Variants in PALD1 observed in about 807,000 individuals in gnomAD.
The protein encoded by PALD1 is phosphatase domain containing paladin 1.
PALD1 carries 57 observed loss-of-function variants against 96.0 expected under a neutral mutation model. The ratio of observed to expected loss-of-function variants is 0.59; its 90% CI spans 0.48 to 0.74. The LOEUF (loss-of-function observed/expected upper bound fraction) is 0.74, where lower values mean the gene tolerates loss of function less well. Ranked by LOEUF, PALD1 falls within the 30% of genes least tolerant of loss-of-function variation. The pLI is 0.00. For synonymous variants in PALD1, 464 were observed against 473.6 expected, an observed-to-expected ratio of 0.98 and a Z score of 0.26; for missense variants, 1,063 against 1,143.7, an observed-to-expected ratio of 0.93 and a Z score of 1.02.
upstream of PALD1, among the ~76,000 whole-genome samples, chr10:70,478,221 G>T (rs113433276): frequency 0.015 from 2,326 of 152,324 alleles, 62 homozygotes; most frequent in African/African-American, 0.052. Flanking sequence ...TGGGGGGACC[G>T]TCTGCTGTTT....
chr10:70,552,711 C>T (rs181849250), intron 18 of PALD1, among the ~76,000 whole-genome samples: 2 of 152,276 alleles, frequency 1.3e-5, no homozygotes, highest in African/African-American at 2.4e-5. Flanking sequence ...GCAGTCACAC[C>T]GCCATGATTG....
At chr10:70,495,385 G>A (rs1045786742) in intron 1 of PALD1, among the ~76,000 whole-genome samples, 3 of 148,358 alleles carry the variant, frequency 2.0e-5, no homozygotes, top group Non-Finnish European at 3.0e-5. Context: ...ATGAGGGTCC[G>A]GGTCTGTGCC....
intron 17 of PALD1, among the ~76,000 whole-genome samples, chr10:70,542,828 T>G (rs1847279063): frequency 1.3e-5 from 2 of 152,252 alleles, no homozygotes; most frequent in African/African-American, 4.8e-5. Context: ...TTCTGTTTAC[T>G]TTTTTGAGGA....
chr10:70,471,421 G>T, the PALD1 span, among the ~76,000 whole-genome samples: 64 of 152,346 alleles, frequency 4.2e-4, no homozygotes, highest in Middle Eastern at 3.4e-3. Flanking sequence ...TACTGAGGCT[G>T]CCTCCAGCAC....
chr10:70,534,048 C>A lies in PALD1; in HGVS notation c.997C>A (p.Arg333Ser). 1 of 1,608,456 alleles carries A rather than the reference C, an allele frequency of 6.2e-7. No individual in the cohort carries two copies. Among genetic ancestry groups the A allele is most frequent in the Non-Finnish European group, 8.5e-7 (1 of 1,176,906 alleles). The change falls in exon 8 of 20, where the codon CGC (arginine) becomes AGC (serine). Residue 333 changes from arginine to serine, a missense_variant. Arg to Ser is a moderately radical substitution (Grantham distance 110). Transcript: ENST00000263563. ...MVLGTLILLH[R>S]SGTTSQPEAA... ...CCTGGGCACCCTCATCCTGCTTCAC[C>A]GCAGTGGGACCACCTCCCAGCCAGA...
chr10:70,523,968 G>T (rs1228827402), intron 1 of PALD1, among the ~76,000 whole-genome samples: 1 of 152,174 alleles, frequency 6.6e-6, no homozygotes, highest in Admixed American at 6.5e-5. Context: ...ACCTGGGGAA[G>T]AAAGGACAGT....
At chr10:70,499,337 A>G (rs926652228) in intron 1 of PALD1, among the ~76,000 whole-genome samples, 23 of 152,012 alleles carry the variant, frequency 1.5e-4, no homozygotes, top group South Asian at 2.1e-4. Flanking sequence ...GTGCCATGGT[A>G]TGGGCCCCTC....
intron 1 of PALD1, among the ~76,000 whole-genome samples, chr10:70,514,453 C>T (rs58857914): frequency 0.035 from 5,167 of 149,710 alleles, 294 homozygotes; most frequent in African/African-American, 0.12. Context: ...GATCCCAGCC[C>T]CCAGACAGCT....
At chr10:70,557,793 C>T (rs560184515) in intron 18 of PALD1, among the ~76,000 whole-genome samples, 12 of 152,132 alleles carry the variant, frequency 7.9e-5, no homozygotes, top group African/African-American at 2.9e-4. Flanking sequence ...GGTCACCAGG[C>T]CAGGTTTCTT....
In PALD1 at chr10:70,564,550, G is replaced by T. The variant is rs768138697; in HGVS notation, c.2418+31G>T. On this transcript the variant is annotated intron_variant, in intron 19 of 19. Coordinates refer to ENST00000263563, the MANE Select transcript of PALD1 (RefSeq NM_014431.3). The stretch of plus-strand genomic sequence containing the variant: ...GGGAGGCTGAGGCCGAGAGGGGCCG[G>T]GGCGATGGCTCCTGCAGATGGAGCT... 3.4e-5 allele frequency: 54 copies of T among 1,603,898 alleles called. No homozygotes were observed. In the East Asian group the frequency reaches 1.2e-3, roughly 36 times the overall value.
At position 70,529,796 on chromosome 10, in the gene PALD1, C is replaced by G. The variant is rs899364452; in HGVS notation, c.289-93C>G. ...ATGTTCTTTTTGCCCCTATTTCCCC[C>G]CTCCCTGTCCCCTGGAGCCCAGGAC... On this transcript the variant is annotated intron_variant, in intron 3 of 19. Coordinates refer to ENST00000263563, the MANE Select transcript of PALD1 (RefSeq NM_014431.3). The G allele has an allele frequency of 1.9e-5, 22 of 1,133,490 alleles. No individual in the cohort carries two copies. The Admixed American group carries it at 2.5e-4, about 13-fold the overall frequency. The allele number at this position is 1,133,490 out of a possible 1,614,324, so 70.2% of individuals were successfully genotyped here.
chr10:70,552,230 C>T (rs1438874599), intron 18 of PALD1, among the ~76,000 whole-genome samples: 1 of 152,184 alleles, frequency 6.6e-6, no homozygotes, highest in Admixed American at 6.5e-5. Context: ...GCTGAGGAGC[C>T]CTTACATCAT....
chr10:70,513,624 A>G (rs4746047), intron 1 of PALD1, among the ~76,000 whole-genome samples: 104,431 of 152,110 alleles, frequency 0.69, 36,065 homozygotes, highest in Middle Eastern at 0.79. Flanking sequence ...ATCAAGAGGC[A>G]TTACCCCCAA....
chr10:70,536,547 A>G (rs1204519549), intron 10 of PALD1, among the ~76,000 whole-genome samples: 1 of 152,214 alleles, frequency 6.6e-6, no homozygotes, highest in Non-Finnish European at 1.5e-5. Context: ...TCAGCAAACT[A>G]CGGCTTAGAC....
chr10:70,550,452 C>T (rs1847458772), intron 18 of PALD1, among the ~76,000 whole-genome samples: 1 of 152,140 alleles, frequency 6.6e-6, no homozygotes, highest in Non-Finnish European at 1.5e-5. Context: ...TGGCGGGGAC[C>T]ACACTAGGGG....
At chr10:70,519,573 C>CTTTTT (rs1192092171) in intron 1 of PALD1, among the ~76,000 whole-genome samples, 9 of 133,666 alleles carry the variant, frequency 6.7e-5, no homozygotes, top group African/African-American at 1.5e-4. Flanking sequence ...TTCTTTCTTT[C>CTTTTT]TTTTTTTTTT....
the PALD1 span, among the ~76,000 whole-genome samples, chr10:70,461,637 A>T: frequency 1.3e-5 from 2 of 152,218 alleles, no homozygotes; most frequent in Admixed American, 1.3e-4. Context: ...CTCAGATTCC[A>T]GAACAGCTCC....
At chr10:70,536,734 GTTTGCC>G (rs1167183124) in intron 10 of PALD1, among the ~76,000 whole-genome samples, 2 of 152,230 alleles carry the variant, frequency 1.3e-5, no homozygotes, top group African/African-American at 4.8e-5. Flanking sequence ...TATGGAAAAA[GTTTGCC>G]GACACCTGGT....
intron 3 of PALD1, 53 bp downstream of exon 3, chr10:70,529,384 C>T: frequency 1.2e-6 from 1 of 837,820 alleles, no homozygotes; most frequent in Non-Finnish European, 2.0e-6. Flanking sequence ...ACCCCTATCT[C>T]TCATGAATTC....
Sources: gnomAD v4.1 joint callset for allele counts (sites outside exome capture counted in the v4.1 genomes callset) on GRCh38, gnomAD v4.1.1 for gene constraint, MANE v1.5 for transcripts, NCBI Gene and HGNC (gene_info 2026-07-23, HGNC 2026-07-21) for gene names.